POLN: variants seen among roughly 807,000 people sequenced by gnomAD.
POLN encodes DNA polymerase N.
Under a neutral mutation model 113.5 loss-of-function variants are expected in POLN, and 108 were observed. The observed-to-expected ratio is 0.95, with a 90% confidence interval of 0.81 to 1.12. The LOEUF (loss-of-function observed/expected upper bound fraction) is 1.12. Ranked by LOEUF, POLN falls within the 50% of genes most tolerant of loss-of-function variation. POLN has a pLI of 0.00. For missense variants in POLN, 1,097 were observed against 1,077.1 expected (o/e 1.02, Z -0.26); for synonymous variants, 386 against 391.5 (o/e 0.99, Z 0.17).
intron 16 of POLN, among the ~76,000 whole-genome samples, chr4:2,141,531 G>A (rs1293441246): frequency 6.6e-6 from 1 of 152,226 alleles, no homozygotes; most frequent in Non-Finnish European, 1.5e-5. Flanking sequence ...TGTTGGTGAA[G>A]TGTTCATGAA....
At chr4:2,103,296 T>C (rs1730971823) in intron 19 of POLN, among the ~76,000 whole-genome samples, 1 of 151,818 alleles carries the variant, frequency 6.6e-6, no homozygotes, top group African/African-American at 2.4e-5. Context: ...AACTAAAAAA[T>C]TCATTGAAAG....
At chr4:2,073,076 G>A (rs1339158361) in intron 24 of POLN, 47 bp from the exon 25 acceptor site, 7 of 1,590,168 alleles carry the variant, frequency 4.4e-6, no homozygotes, top group East Asian at 4.5e-5. Context: ...CTTGGCCTTG[G>A]GGCCTGGGAG....
At position 2,127,782 on chromosome 4, in the gene POLN, C is replaced by T. The variant is rs1404759105; in HGVS notation, c.1982+331G>A. ...ACGCAGCAAGCACCTTGGCTCTCCT[C>T]GGAGGGCAGTGGCTCACAGCCAGCA... On this transcript the variant is annotated intron_variant, in intron 19 of 25. Coordinates refer to ENST00000511885, the MANE Select transcript of POLN (RefSeq NM_181808.4). The surrounding 1 kb of genome is among the most constrained non-coding windows in gnomAD (Gnocchi z 4.7). 6.6e-6 allele frequency among the ~76,000 whole-genome samples: 1 copy of T among 152,226 alleles called. No homozygotes were observed. The highest frequency in any genetic ancestry group is 1.5e-5 in the Non-Finnish European group (1 of 68,042).
intron 2 of POLN, among the ~76,000 whole-genome samples, chr4:2,237,853 A>G (rs1734820979): frequency 6.6e-6 from 1 of 152,208 alleles, no homozygotes; most frequent in Admixed American, 6.5e-5. Flanking sequence ...AAGTTGTAAC[A>G]GACTTCCTAA....
Position 2,091,979 on chromosome 4 carries a change from G to A in POLN, c.2065+3872C>T, listed in dbSNP as rs184308025. On this transcript the variant is annotated intron_variant, in intron 20 of 25. Coordinates refer to ENST00000511885, the MANE Select transcript of POLN (RefSeq NM_181808.4). ...GTGGGAACATGGGCTGGTCTAGCTG[G>A]AACAGACCTGACATTGAATCCTACG... 1.1e-4 allele frequency among the ~76,000 whole-genome samples: 17 copies of A among 152,314 alleles called. No individual in the cohort carries two copies. The East Asian group carries it at 3.3e-3, about 29-fold the overall frequency.
chr4:2,118,254 T>C (rs1416238143), intron 19 of POLN, among the ~76,000 whole-genome samples: 1 of 152,218 alleles, frequency 6.6e-6, no homozygotes, highest in African/African-American at 2.4e-5. Context: ...GTGTTGGCAG[T>C]AGGTATTGAG....
rs1166006996 is a variant in POLN, at chr4:2,156,811, C to T, written c.1708G>A (p.Gly570Arg). 1 of 1,613,324 alleles carries T rather than the reference C, an allele frequency of 6.2e-7. No individual in the cohort carries two copies. The highest frequency in any genetic ancestry group is 8.5e-7 in the Non-Finnish European group (1 of 1,179,210). Reference protein sequence around the residue: ...STWNQTGTVTGRLSAKHPNIQ... With the variant: ...STWNQTGTVTRRLSAKHPNIQ... ...ACAGGATGCTTGGCTGAAAGTCTTCCAGTCACAGTTCCAGTCTGATTCCAT... is the reference window on the plus strand; with the variant it reads ...ACAGGATGCTTGGCTGAAAGTCTTCTAGTCACAGTTCCAGTCTGATTCCAT... Residue 570 changes from glycine to arginine, a missense_variant, in exon 16 of 26, where the codon GGA (glycine) becomes AGA (arginine). Coordinates refer to ENST00000511885, the MANE Select transcript of POLN (RefSeq NM_181808.4).
intron 16 of POLN, among the ~76,000 whole-genome samples, chr4:2,156,132 T>TA (rs1324513671): frequency 6.6e-6 from 1 of 152,138 alleles, no homozygotes; most frequent in Non-Finnish European, 1.5e-5. Flanking sequence ...GCGCCTGGCC[T>TA]AAAAAATTGT....
At chr4:2,134,330 A>C (rs972564868) in intron 16 of POLN, among the ~76,000 whole-genome samples, 3 of 152,226 alleles carry the variant, frequency 2.0e-5, no homozygotes, top group African/African-American at 7.2e-5. Flanking sequence ...ATTTGTGTGC[A>C]GGTTCTTGTG....
chr4:2,127,667 G>A lies in POLN; in HGVS notation c.1982+446C>T, dbSNP rs1367179792. Reference sequence around the variant, plus strand: ...ACAAAACCCGAGCCCATCTGCCTCTGGAATTCTCTGTGAGTGTAAGCCACT... The same window carrying A: ...ACAAAACCCGAGCCCATCTGCCTCTAGAATTCTCTGTGAGTGTAAGCCACT... On this transcript the variant is annotated intron_variant, in intron 19 of 25. Transcript: ENST00000511885. The surrounding 1 kb of genome is among the most constrained non-coding windows in gnomAD (Gnocchi z 4.7). 6.6e-6 allele frequency among the ~76,000 whole-genome samples: 1 copy of A among 152,340 alleles called. No homozygotes were observed. The highest frequency in any genetic ancestry group is 1.9e-4 in the East Asian group (1 of 5,184).
intron 19 of POLN, among the ~76,000 whole-genome samples, chr4:2,120,587 G>C (rs1016929603): frequency 6.6e-6 from 1 of 151,646 alleles, no homozygotes; most frequent in Non-Finnish European, 1.5e-5. Context: ...TCCATCTCCC[G>C]GGTTCAAGTG....
At chr4:2,101,079 A>C (rs928720263) in intron 19 of POLN, among the ~76,000 whole-genome samples, 3 of 152,166 alleles carry the variant, frequency 2.0e-5, no homozygotes, top group African/African-American at 7.2e-5. Flanking sequence ...GGTGGAAAAA[A>C]TCAAATTAGA....
At chr4:2,176,196 G>T in intron 9 of POLN, 70 bp downstream of exon 9, 1 of 1,245,066 alleles carries the variant, frequency 8.0e-7, no homozygotes, top group East Asian at 2.3e-5. Context: ...CTCCCTGGGA[G>T]TGCGGGTGCC....
chr4:2,191,240 A>T (rs761226741), intron 7 of POLN, among the ~76,000 whole-genome samples: 5 of 152,352 alleles, frequency 3.3e-5, no homozygotes, highest in Non-Finnish European at 7.4e-5. Flanking sequence ...AAATAAGCCA[A>T]GCACAGAAAG....
intron 17 of POLN, among the ~76,000 whole-genome samples, chr4:2,130,763 T>TA (rs1208904190): frequency 1.3e-5 from 2 of 152,204 alleles, no homozygotes; most frequent in Non-Finnish European, 2.9e-5. Context: ...GGAGGTACCA[T>TA]ATCACTTTAG....
intron 2 of POLN, chr4:2,230,917 A>AT (rs1734557387): frequency 6.6e-6 from 1 of 152,220 alleles, no homozygotes; most frequent in African/African-American, 2.4e-5. Context: ...ACAATTAGAC[A>AT]TTTTTGCTCT....
At chr4:2,134,727 G>C (rs949915323) in intron 16 of POLN, among the ~76,000 whole-genome samples, 5 of 152,168 alleles carry the variant, frequency 3.3e-5, no homozygotes, top group Admixed American at 3.3e-4. Flanking sequence ...CTGTCACAAT[G>C]CTCTGAAGAG....
At chr4:2,149,167 G>A (rs149112268) in intron 16 of POLN, among the ~76,000 whole-genome samples, 60 of 152,160 alleles carry the variant, frequency 3.9e-4, no homozygotes, top group Middle Eastern at 3.4e-3. Context: ...AGTGGTATGC[G>A]CCTGTAGTCC....
chr4:2,092,194 C>T (rs1421569979), intron 20 of POLN, among the ~76,000 whole-genome samples: 1 of 152,192 alleles, frequency 6.6e-6, no homozygotes, highest in Non-Finnish European at 1.5e-5. Context: ...CCCTCGGGAA[C>T]AGGCACTGAG....
Sources: allele counts gnomAD v4.1 joint callset (sites outside exome capture counted in the v4.1 genomes callset), GRCh38; gene constraint gnomAD v4.1.1; non-coding constraint Gnocchi (gnomAD v3.1); transcripts MANE v1.5; gene names NCBI Gene and HGNC (gene_info 2026-07-23, HGNC 2026-07-21).